PPARGC1B: variants seen among roughly 807,000 people sequenced by gnomAD.
The protein encoded by PPARGC1B is PPARG coactivator 1 beta, also known as peroxisome proliferator-activated receptor gamma coactivator 1-beta.
PPARGC1B carries 34 observed loss-of-function variants against 101.6 expected under a neutral mutation model. That is an observed-to-expected ratio of 0.33 (90% confidence interval 0.25 to 0.45). The LOEUF (loss-of-function observed/expected upper bound fraction) is 0.45, where lower values mean the gene tolerates loss of function less well. Ranked by LOEUF, PPARGC1B falls within the 20% of genes least tolerant of loss-of-function variation. The probability of loss-of-function intolerance (pLI) is 1.00; values close to 1 mark genes in which losing one functional copy is unlikely to be tolerated. For missense variants in PPARGC1B, 1,234 were observed against 1,317.6 expected (o/e 0.94, Z 0.98); for synonymous variants, 548 against 539.3 (o/e 1.02, Z -0.22).
intron 1 of PPARGC1B, among the ~76,000 whole-genome samples, chr5:149,743,976 C>T (rs748825971): frequency 5.9e-5 from 9 of 152,154 alleles, no homozygotes; most frequent in Non-Finnish European, 1.3e-4. Flanking sequence ...CCCACATCTT[C>T]CCGGGGGATT....
Position 149,778,090 on chromosome 5 carries a change from CACACACACACACACACACACAG to C in PPARGC1B, c.79-42341_79-42320del, listed in dbSNP as rs1158587959. 1.1e-4 allele frequency among the ~76,000 whole-genome samples: 15 copies of C among 134,050 alleles called. 1 individual carries two copies. The highest frequency in any genetic ancestry group is 1.7e-4 in the African/African-American group (6 of 34,920). 87.9% of individuals were successfully genotyped at this position (134,050 alleles called of 152,430 possible). On this transcript the variant is annotated intron_variant, in intron 1 of 11. Coordinates refer to ENST00000309241, the MANE Select transcript of PPARGC1B (RefSeq NM_133263.4). ...ACACACACACACACACACACACACA[CACACACACACACACACACACAG>C]AGTACCCAGCTGCTCACATTCCATG... is the stretch of plus-strand genomic sequence containing the variant.
In PPARGC1B at chr5:149,852,394, T is replaced by C. The variant is rs1369564010; in HGVS notation, c.*4836T>C. 1 of 152,188 alleles carries C rather than the reference T, an allele frequency of 6.6e-6. No individual in the cohort carries two copies. The highest frequency in any genetic ancestry group is 1.5e-5 in the Non-Finnish European group (1 of 68,038). 9.4% of individuals were successfully genotyped at this position (152,188 alleles called of 1,614,324 possible). A position where few individuals can be genotyped will look rare whatever the true frequency, so the allele number is the denominator to read the frequency against. ...GCATTGGGAATCCATCACTCCTCCTTGAAACTGATTCCATTCTCTGACTTG... is the reference window on the plus strand; with the variant it reads ...GCATTGGGAATCCATCACTCCTCCTCGAAACTGATTCCATTCTCTGACTTG... On this transcript the variant is annotated 3_prime_UTR_variant, in exon 12 of 12. Transcript: ENST00000309241.
At position 149,846,117 on chromosome 5, in the gene PPARGC1B, C is replaced by G. The variant is rs1210435509; in HGVS notation, c.2971+203C>G. 6.3e-6 allele frequency: 4 copies of G among 635,456 alleles called. No individual in the cohort carries two copies. In the South Asian group the frequency reaches 7.8e-5, roughly 12 times the overall value. 39.4% of individuals were successfully genotyped at this position (635,456 alleles called of 1,614,324 possible). A position where few individuals can be genotyped will look rare whatever the true frequency, so the allele number is the denominator to read the frequency against. ...TCTTCTGGCCTCTGGTCCACCTTAT[C>G]CTGTCCTGTGACTGCTACCAAAGAG... On this transcript the variant is annotated intron_variant, in intron 11 of 11. Coordinates refer to ENST00000309241, the MANE Select transcript of PPARGC1B (RefSeq NM_133263.4).
chr5:149,837,942 C>T lies in PPARGC1B; in HGVS notation c.2618+869C>T, dbSNP rs930179453. 7.9e-5 allele frequency among the ~76,000 whole-genome samples: 12 copies of T among 152,052 alleles called. No homozygotes were observed. The highest frequency in any genetic ancestry group is 1.2e-4 in the Non-Finnish European group (8 of 68,020). On this transcript the variant is annotated intron_variant, in intron 8 of 11. Coordinates refer to ENST00000309241, the MANE Select transcript of PPARGC1B (RefSeq NM_133263.4). The surrounding 1 kb of genome is among the most constrained non-coding windows in gnomAD (Gnocchi z 4.2). ...GCGCCTCCACTGGCCGGCCCACACC[C>T]GGGTGTCTGATCTGTAGGTCTGGGG...
chr5:149,792,768 T>TCAG (rs1757068889), intron 1 of PPARGC1B, among the ~76,000 whole-genome samples: 1 of 151,004 alleles, frequency 6.6e-6, no homozygotes, highest in African/African-American at 2.4e-5. Flanking sequence ...CATTCATTCA[T>TCAG]TCAGTCAGTC....
chr5:149,782,344 A>G (rs1228289070), intron 1 of PPARGC1B, among the ~76,000 whole-genome samples: 1 of 152,234 alleles, frequency 6.6e-6, no homozygotes, highest in Non-Finnish European at 1.5e-5. Flanking sequence ...TATCTGCAAC[A>G]TACACATATA....
chr5:149,749,276 A>T (rs1017253493), intron 1 of PPARGC1B, among the ~76,000 whole-genome samples: 1 of 152,218 alleles, frequency 6.6e-6, no homozygotes, highest in Non-Finnish European at 1.5e-5. Flanking sequence ...GCATTTTCAC[A>T]TCCACAGTTC....
intron 1 of PPARGC1B, among the ~76,000 whole-genome samples, chr5:149,784,830 G>T (rs545047959): frequency 3.3e-5 from 5 of 152,076 alleles, no homozygotes; most frequent in Non-Finnish European, 5.9e-5. Context: ...GCCTCCCAAA[G>T]TGCTGGGATT....
chr5:149,840,817 A>G (rs901570427), intron 9 of PPARGC1B, among the ~76,000 whole-genome samples: 1 of 152,150 alleles, frequency 6.6e-6, no homozygotes. Context: ...ACAAAAAGAC[A>G]AACAGACTCC....
At chr5:149,770,421 T>C (rs770269643) in intron 1 of PPARGC1B, among the ~76,000 whole-genome samples, 1 of 152,208 alleles carries the variant, frequency 6.6e-6, no homozygotes, top group Non-Finnish European at 1.5e-5. Flanking sequence ...CTCCAAAAAG[T>C]TGAAGATCCA....
At chr5:149,831,813 C>T (rs1017144380) in intron 4 of PPARGC1B, among the ~76,000 whole-genome samples, 5 of 152,192 alleles carry the variant, frequency 3.3e-5, no homozygotes, top group Non-Finnish European at 7.3e-5. Context: ...TTGGCTGGTG[C>T]GAGTGCAGAG....
chr5:149,797,921 A>G (rs939323923), intron 1 of PPARGC1B, among the ~76,000 whole-genome samples: 2 of 151,800 alleles, frequency 1.3e-5, no homozygotes, highest in Non-Finnish European at 2.9e-5. Flanking sequence ...CTCCATCCCC[A>G]CCCCCCGCCA....
At chr5:149,772,217 G>T (rs373796156) in intron 1 of PPARGC1B, 1 of 1,588,984 alleles carries the variant, frequency 6.3e-7, no homozygotes, top group African/African-American at 1.3e-5. Context: ...GTTGACGATT[G>T]TGACATGCTG....
intron 1 of PPARGC1B, among the ~76,000 whole-genome samples, chr5:149,799,687 G>GTTTTTTTTTTTT (rs1561553708): frequency 5.9e-5 from 5 of 85,438 alleles, no homozygotes; most frequent in African/African-American, 1.3e-4. Flanking sequence ...TTGTTTGCTT[G>GTTTTTTTTTTTT]TTGTTGTTTT....
intron 1 of PPARGC1B, among the ~76,000 whole-genome samples, chr5:149,792,348 T>C (rs1348589958): frequency 6.6e-6 from 1 of 152,126 alleles, no homozygotes; most frequent in African/African-American, 2.4e-5. Flanking sequence ...CTCTGAGATG[T>C]GGGGTGCTAC....
chr5:149,799,690 G>GTTTTTTTTTTTTTTTTTTT (rs369350284), intron 1 of PPARGC1B, among the ~76,000 whole-genome samples: 18 of 65,046 alleles, frequency 2.8e-4, no homozygotes, highest in Non-Finnish European at 3.9e-4. Flanking sequence ...TTTGCTTGTT[G>GTTTTTTTTTTTTTTTTTTT]TTGTTTTTTT....
chr5:149,749,126 C>T (rs146985191), intron 1 of PPARGC1B, among the ~76,000 whole-genome samples: 20 of 152,204 alleles, frequency 1.3e-4, no homozygotes, highest in African/African-American at 2.6e-4. Flanking sequence ...CAGCAGGAAT[C>T]GGTGGGGCCA....
At chr5:149,781,296 A>G (rs1172486600) in intron 1 of PPARGC1B, among the ~76,000 whole-genome samples, 1 of 151,746 alleles carries the variant, frequency 6.6e-6, no homozygotes, top group Non-Finnish European at 1.5e-5. Flanking sequence ...CATGGGAGAT[A>G]TGAGAGGGCA....
intron 1 of PPARGC1B, chr5:149,817,610 A>G: frequency 2.5e-6 from 1 of 406,778 alleles, no homozygotes; most frequent in South Asian, 1.8e-5. Context: ...TTCCCTCACT[A>G]AGATGTCAAC....
Sources: allele counts gnomAD v4.1 joint callset (sites outside exome capture counted in the v4.1 genomes callset), GRCh38; gene constraint gnomAD v4.1.1; non-coding constraint Gnocchi (gnomAD v3.1); transcripts MANE v1.5; gene names NCBI Gene and HGNC (gene_info 2026-07-23, HGNC 2026-07-21).